Variants in DNAAF5 observed in about 807,000 individuals in gnomAD.
DNAAF5 encodes dynein axonemal assembly factor 5.
A neutral mutation model predicts 75.8 loss-of-function variants in DNAAF5; 64 were observed. The observed-to-expected ratio is 0.84, with a 90% CI of 0.69 to 1.04. The LOEUF (loss-of-function observed/expected upper bound fraction) is 1.04. Among genes scored for constraint, DNAAF5 ranks in the 50% least tolerant of loss-of-function variants. The pLI is 0.00. For missense variants in DNAAF5, 1,269 were observed against 1,178.5 expected (o/e 1.08, Z -1.12); for synonymous variants, 657 against 557.2 (o/e 1.18, Z -2.52).
At chr7:776,026 G>A (rs867050230) in intron 11 of DNAAF5, among the ~76,000 whole-genome samples, 4 of 152,166 alleles carry the variant, frequency 2.6e-5, no homozygotes, top group Middle Eastern at 3.2e-3. Context: ...GTTTGATGGT[G>A]GCTTGTTTTA....
intron 9 of DNAAF5, 112 bp from the exon 10 acceptor site, chr7:773,936 G>A: frequency 8.0e-7 from 1 of 1,245,964 alleles, no homozygotes; most frequent in Non-Finnish European, 1.2e-6. Context: ...TTTTGGGGTC[G>A]AGTTCGTTTT....
chr7:774,419 C>T (rs988422615), intron 10 of DNAAF5, among the ~76,000 whole-genome samples: 62 of 152,284 alleles, frequency 4.1e-4, no homozygotes, highest in African/African-American at 1.3e-3. Context: ...AGCCAGGCCG[C>T]GGGCCCAGCC....
chr7:726,798 G>T lies in DNAAF5; in HGVS notation c.78G>T (p.Glu26Asp). ...GGGCCGAGACGGCTGAGGCGGTGGA[G>T]CTGAGCCGCGCCCTGAGCCGCCTGC... ...AEGAETAEAVELSRALSRLLP... is the reference protein window; with the variant it reads ...AEGAETAEAVDLSRALSRLLP... Residue 26 changes from glutamate to aspartate, a missense_variant, in exon 1 of 13, where the codon GAG becomes GAT. Coordinates refer to ENST00000297440, the MANE Select transcript of DNAAF5 (RefSeq NM_017802.4). 7.7e-7 allele frequency: 1 copy of T among 1,302,032 alleles called. No homozygotes were observed. The highest frequency in any genetic ancestry group is 2.3e-5 in the South Asian group (1 of 43,242). 80.7% of individuals were successfully genotyped at this position (1,302,032 alleles called of 1,614,324 possible).
Position 760,500 on chromosome 7 carries a change from A to G in DNAAF5, c.1471-1253A>G, listed in dbSNP as rs140272235. ...TAGAGGGACGTTATAAGAAGTAAAT[A>G]CAGGCCAGGCGTGGTGGTTCTTATC... On this transcript the variant is annotated intron_variant, in intron 6 of 12. Transcript: ENST00000297440. 1.6e-4 allele frequency among the ~76,000 whole-genome samples: 24 copies of G among 152,312 alleles called. No homozygotes were observed. In the East Asian group the frequency reaches 3.5e-3, roughly 22 times the overall value.
chr7:780,826 C>CTTTTTTTTT (rs201445917), intron 12 of DNAAF5, among the ~76,000 whole-genome samples: 1 of 131,264 alleles, frequency 7.6e-6, no homozygotes, highest in Non-Finnish European at 1.6e-5. Context: ...TTTTTTTTTT[C>CTTTTTTTTT]TTTTTTTTTT....
chr7:759,280 T>C lies in DNAAF5; in HGVS notation c.1470+2286T>C, dbSNP rs144846159. 2.7e-3 allele frequency among the ~76,000 whole-genome samples: 416 copies of C among 152,336 alleles called. 4 individuals carry two copies. The highest frequency in any genetic ancestry group is 9.3e-3 in the African/African-American group (386 of 41,578). On this transcript the variant is annotated intron_variant, in intron 6 of 12. Transcript: ENST00000297440. ...TATTCTAAACTGAGCCTGGCTTCAC[T>C]CCCTGCCCTGGGGTTCACAGGAAAT...
Position 786,451 on chromosome 7 carries a change from A to G in DNAAF5, c.*798A>G, listed in dbSNP as rs537683035. 1.3e-5 allele frequency: 2 copies of G among 152,356 alleles called. No individual in the cohort carries two copies. Among genetic ancestry groups the G allele is most frequent in the South Asian group, 2.1e-4 (1 of 4,830 alleles). The allele number at this position is 152,356 out of a possible 1,614,324, so 9.4% of individuals were successfully genotyped here. On this transcript the variant is annotated 3_prime_UTR_variant, in exon 13 of 13. Coordinates refer to ENST00000297440, the MANE Select transcript of DNAAF5 (RefSeq NM_017802.4). The stretch of plus-strand genomic sequence containing the variant: ...AACGTTTATACTTTCATGTTTGAAA[A>G]TTTAATTAAAAATGTTTGTTTTAAT...
intron 8 of DNAAF5, chr7:768,971 G>A (rs1583511182): frequency 1.7e-6 from 1 of 584,614 alleles, no homozygotes; most frequent in East Asian, 2.8e-5. Flanking sequence ...GCTCAAGTCA[G>A]GCGTCCCAGC....
At chr7:772,929 G>A (rs1414191085) in intron 9 of DNAAF5, 1 of 148,834 alleles carries the variant, frequency 6.7e-6, no homozygotes, top group African/African-American at 2.5e-5. Flanking sequence ...GCTTCTGTCA[G>A]ACACAGGCTG....
rs1778535598 is a variant in DNAAF5, at chr7:770,763, C to T, written c.1931+145C>T. 4.0e-6 allele frequency: 3 copies of T among 749,942 alleles called. No homozygotes were observed. In the South Asian group the frequency reaches 6.4e-5, roughly 16 times the overall value. The allele number at this position is 749,942 out of a possible 1,614,324, so 46.5% of individuals were successfully genotyped here. A position where few individuals can be genotyped will look rare whatever the true frequency, so the allele number is the denominator to read the frequency against. On this transcript the variant is annotated intron_variant, in intron 9 of 12. Coordinates refer to ENST00000297440, the MANE Select transcript of DNAAF5 (RefSeq NM_017802.4). ...TGCGCAAGGGGTTCCCCATCTCCCT[C>T]CCCCACACTGAGTCAAAGGTGGGCC... is the stretch of plus-strand genomic sequence containing the variant.
At chr7:739,537 C>T (rs1781839488) in intron 2 of DNAAF5, among the ~76,000 whole-genome samples, 1 of 152,198 alleles carries the variant, frequency 6.6e-6, no homozygotes, top group Admixed American at 6.5e-5. Context: ...AGTTAATGAC[C>T]CCGGCAAACG....
At chr7:776,533 G>T (rs932074992) in intron 11 of DNAAF5, among the ~76,000 whole-genome samples, 2 of 143,964 alleles carry the variant, frequency 1.4e-5, no homozygotes. Context: ...CTCAGGGTGG[G>T]GCGGCTGGAG....
chr7:739,654 C>T (rs569776181), intron 2 of DNAAF5, among the ~76,000 whole-genome samples: 43 of 152,358 alleles, frequency 2.8e-4, no homozygotes, highest in Non-Finnish European at 5.4e-4. Flanking sequence ...CGGGCCTCTC[C>T]TTGTGTGAAC....
chr7:773,112 C>T (rs1778628137), intron 9 of DNAAF5: 1 of 152,226 alleles, frequency 6.6e-6, no homozygotes, highest in Non-Finnish European at 1.5e-5. Context: ...TGGGTTCGTT[C>T]ATTCCAGAGA....
chr7:782,232 G>A (rs6460945), intron 12 of DNAAF5, among the ~76,000 whole-genome samples: 3,635 of 59,964 alleles, frequency 0.061, no homozygotes, highest in Non-Finnish European at 0.068. Context: ...CCCGTCGCGC[G>A]GCGTCAGAAA....
chr7:770,638 C>A lies in DNAAF5; in HGVS notation c.1931+20C>A. ...CCAGGGGTAGGTCCGGGCTCTGCCT[C>A]TGCACGGCCCCCAGCTGGGGCCTGG... is the stretch of plus-strand genomic sequence containing the variant. On this transcript the variant is annotated intron_variant, in intron 9 of 12. Transcript: ENST00000297440. 6.2e-7 allele frequency: 1 copy of A among 1,608,680 alleles called. No individual in the cohort carries two copies. The highest frequency in any genetic ancestry group is 8.5e-7 in the Non-Finnish European group (1 of 1,177,378).
chr7:759,786 T>G (rs1287222614), intron 6 of DNAAF5, among the ~76,000 whole-genome samples: 1 of 152,132 alleles, frequency 6.6e-6, no homozygotes, highest in Non-Finnish European at 1.5e-5. Flanking sequence ...ATTCCCTGTT[T>G]GTTCCTGTGC....
At chr7:750,388 G>A (rs1381046900) in intron 4 of DNAAF5, among the ~76,000 whole-genome samples, 2 of 152,170 alleles carry the variant, frequency 1.3e-5, no homozygotes, top group Non-Finnish European at 2.9e-5. Flanking sequence ...GTTCAGCAAC[G>A]CTTGACTGTA....
intron 11 of DNAAF5, among the ~76,000 whole-genome samples, chr7:776,308 C>T (rs1778759200): frequency 6.6e-6 from 1 of 152,038 alleles, no homozygotes; most frequent in South Asian, 2.1e-4. Context: ...TGCACTCCAG[C>T]CTGGGTGACA....
Sources: gnomAD v4.1 joint callset for allele counts (sites outside exome capture counted in the v4.1 genomes callset) on GRCh38, gnomAD v4.1.1 for gene constraint, MANE v1.5 for transcripts, NCBI Gene and HGNC (gene_info 2026-07-23, HGNC 2026-07-21) for gene names.